The following PIEZO2 variants were observed in gnomAD, a reference collection of about 807,000 sequenced individuals.
The protein encoded by PIEZO2 is piezo-type mechanosensitive ion channel component 2.
PIEZO2 carries 172 observed loss-of-function variants against 337.3 expected under a neutral mutation model. The observed-to-expected ratio is 0.51, with a 90% CI of 0.45 to 0.58. The LOEUF (loss-of-function observed/expected upper bound fraction) is 0.58. Among genes scored for constraint, PIEZO2 ranks in the 20% least tolerant of loss-of-function variants. The probability of loss-of-function intolerance (pLI) is 0.00; values close to 1 mark genes in which losing one functional copy is unlikely to be tolerated. For synonymous variants in PIEZO2, 1,251 were observed against 1,228.5 expected (o/e 1.02, Z -0.38); for missense variants, 3,028 against 3,391.3 (o/e 0.89, Z 2.66).
intron 36 of PIEZO2, among the ~76,000 whole-genome samples, chr18:10,723,181 T>G (rs1339308396): frequency 1.3e-5 from 2 of 151,930 alleles, no homozygotes; most frequent in African/African-American, 2.4e-5. Context: ...TGGTCAGGCT[T>G]GTCTCAAACT....
At position 10,833,424 on chromosome 18, in the gene PIEZO2, C is replaced by T. The variant is rs2040911375; in HGVS notation, c.917+21929G>A. On this transcript the variant is annotated intron_variant, in intron 7 of 55. Transcript: ENST00000674853. This position sits in a 1 kb window ranked among gnomAD's most constrained non-coding sequence, Gnocchi z 4.7. ...TCTTCTAAAGCACTAACACTGGGCC[C>T]TGCCCCAGAACCCCTGGAATCTCCT... 2.0e-5 allele frequency among the ~76,000 whole-genome samples: 3 copies of T among 152,318 alleles called. No homozygotes were observed. In the South Asian group the frequency reaches 6.2e-4, roughly 32 times the overall value.
At chr18:10,725,585 G>C in intron 36 of PIEZO2, 1 of 1,355,754 alleles carries the variant, frequency 7.4e-7, no homozygotes, top group Non-Finnish European at 9.9e-7. Flanking sequence ...TGAGGTCGGG[G>C]CTTTCCCTTC....
At chr18:10,719,018 T>TA (rs1332777094) in intron 36 of PIEZO2, among the ~76,000 whole-genome samples, 1 of 151,176 alleles carries the variant, frequency 6.6e-6, no homozygotes, top group Admixed American at 6.6e-5. Context: ...AATAAATAAA[T>TA]AAATAAATTT....
chr18:10,794,693 A>G lies in PIEZO2; in HGVS notation c.1758+79T>C. ...TGAATATTTGGAACCTGTTTTTATA[A>G]GGTTTCTCTTGGATACGATTATGAT... On this transcript the variant is annotated intron_variant, in intron 13 of 55. Transcript: ENST00000674853. The surrounding 1 kb of genome is among the most constrained non-coding windows in gnomAD (Gnocchi z 6.6). 1 of 1,115,338 alleles carries G rather than the reference A, an allele frequency of 9.0e-7. No homozygotes were observed. The highest frequency in any genetic ancestry group is 1.2e-6 in the Non-Finnish European group (1 of 805,652). 69.1% of individuals were successfully genotyped at this position (1,115,338 alleles called of 1,614,324 possible).
chr18:11,066,118 T>A lies in PIEZO2; in HGVS notation c.160+9A>T. The stretch of plus-strand genomic sequence containing the variant: ...AACTCTGTGGTATACGATAACAAAA[T>A]TCTCTTACCTTGCATCGTCGTTTTT... On this transcript the variant is annotated intron_variant, in intron 2 of 55. Coordinates refer to ENST00000674853, the MANE Select transcript of PIEZO2 (RefSeq NM_001378183.1). The A allele has an allele frequency of 1.3e-6, 2 of 1,522,718 alleles. No homozygotes were observed. Among genetic ancestry groups the A allele is most frequent in the Non-Finnish European group, 1.8e-6 (2 of 1,133,700 alleles). The allele number at this position is 1,522,718 out of a possible 1,614,324, so 94.3% of individuals were successfully genotyped here.
intron 3 of PIEZO2, among the ~76,000 whole-genome samples, chr18:10,967,737 C>T (rs1177790610): frequency 6.6e-6 from 1 of 152,052 alleles, no homozygotes. Flanking sequence ...ATTTGTATAT[C>T]TTCTTTTGAG....
Position 10,750,859 on chromosome 18 carries a change from G to A in PIEZO2, c.4168-672C>T, listed in dbSNP as rs899333966. On this transcript the variant is annotated intron_variant, in intron 28 of 55. Transcript: ENST00000674853. The surrounding 1 kb of genome is among the most constrained non-coding windows in gnomAD (Gnocchi z 4.1). ...ATGTGAGGAAGGAGAATATCATCAG[G>A]ATTTGCTCCAACAGCAGCAGTTACT... Among the ~76,000 whole-genome samples, 3 of 152,160 alleles carry A rather than the reference G, an allele frequency of 2.0e-5. No individual in the cohort carries two copies. Among genetic ancestry groups the A allele is most frequent in the African/African-American group, 7.2e-5 (3 of 41,444 alleles).
chr18:10,937,649 G>T (rs1396543464), intron 3 of PIEZO2, among the ~76,000 whole-genome samples: 1 of 152,084 alleles, frequency 6.6e-6, no homozygotes, highest in Non-Finnish European at 1.5e-5. Context: ...CACAAAATTG[G>T]ATTTTTTCTT....
At chr18:11,147,672 A>G (rs1306132227) in intron 1 of PIEZO2, among the ~76,000 whole-genome samples, 7 of 152,194 alleles carry the variant, frequency 4.6e-5, no homozygotes, top group Non-Finnish European at 1.0e-4. Flanking sequence ...TTACGAGAGG[A>G]ATTCAATGTC....
intron 1 of PIEZO2, among the ~76,000 whole-genome samples, chr18:11,137,630 A>G (rs1238319681): frequency 7.9e-5 from 12 of 152,324 alleles, no homozygotes; most frequent in Non-Finnish European, 1.0e-4. Flanking sequence ...TACCTGCAGC[A>G]ATGCCAAAGG....
At chr18:10,753,313 A>T (rs1483544505) in intron 27 of PIEZO2, among the ~76,000 whole-genome samples, 1 of 152,024 alleles carries the variant, frequency 6.6e-6, no homozygotes, top group Non-Finnish European at 1.5e-5. Context: ...TTAGAGGTGG[A>T]AATCTTTCCC....
intron 36 of PIEZO2, chr18:10,725,156 G>T: frequency 6.8e-7 from 1 of 1,478,364 alleles, no homozygotes; most frequent in South Asian, 1.1e-5. Context: ...CTGAAGTACT[G>T]CGAGGCCTCT....
In PIEZO2 at chr18:10,962,208, A is replaced by G. The variant is rs1364816677; in HGVS notation, c.286+17327T>C. On this transcript the variant is annotated intron_variant, in intron 3 of 55. Coordinates refer to ENST00000674853, the MANE Select transcript of PIEZO2 (RefSeq NM_001378183.1). The surrounding 1 kb of genome is among the most constrained non-coding windows in gnomAD (Gnocchi z 4.1). ...TCTGTTCAATGAAAGAGTCTTAAAA[A>G]TAATGCAAAACGATGGTGATCCCAG... is the stretch of plus-strand genomic sequence containing the variant. Among the ~76,000 whole-genome samples the G allele has an allele frequency of 2.6e-5, 4 of 152,218 alleles. No individual in the cohort carries two copies. The highest frequency in any genetic ancestry group is 7.2e-5 in the African/African-American group (3 of 41,446).
At chr18:11,134,116 T>C (rs2040414849) in intron 1 of PIEZO2, among the ~76,000 whole-genome samples, 1 of 152,122 alleles carries the variant, frequency 6.6e-6, no homozygotes, top group Admixed American at 6.5e-5. Flanking sequence ...GATCAGCACA[T>C]AGAGAAGGGA....
chr18:10,761,701 CAT>C (rs1491407259), intron 23 of PIEZO2, among the ~76,000 whole-genome samples: 1 of 152,194 alleles, frequency 6.6e-6, no homozygotes, highest in Non-Finnish European at 1.5e-5. Flanking sequence ...GCTTTATCCT[CAT>C]AACAGCTATT....
chr18:10,845,667 C>T (rs2041336053), intron 7 of PIEZO2, among the ~76,000 whole-genome samples: 1 of 152,054 alleles, frequency 6.6e-6, no homozygotes, highest in Non-Finnish European at 1.5e-5. Context: ...AGACCAGGAC[C>T]CCCACATTAA....
chr18:10,791,508 G>A (rs578235556), intron 13 of PIEZO2, 184 bp from the exon 14 acceptor site: 2 of 542,696 alleles, frequency 3.7e-6, no homozygotes, highest in South Asian at 2.8e-5. Flanking sequence ...TCCCTTTTCC[G>A]AGGATGCTCC....
intron 5 of PIEZO2, among the ~76,000 whole-genome samples, chr18:10,858,327 A>ACCCC (rs1316639687): frequency 1.7e-4 from 22 of 130,728 alleles, no homozygotes; most frequent in African/African-American, 6.8e-4. Context: ...AACCCAAAAA[A>ACCCC]AAAAAAAAAA....
In PIEZO2 at chr18:10,828,144, T is replaced by G. The variant is rs984024119; in HGVS notation, c.918-20870A>C. Among the ~76,000 whole-genome samples the G allele has an allele frequency of 3.6e-4, 38 of 105,492 alleles. No individual in the cohort carries two copies. The highest frequency in any genetic ancestry group is 1.5e-3 in the African/African-American group (31 of 21,228). 69.2% of individuals were successfully genotyped at this position (105,492 alleles called of 152,430 possible). On this transcript the variant is annotated intron_variant, in intron 7 of 55. Transcript: ENST00000674853. This position sits in a 1 kb window ranked among gnomAD's most constrained non-coding sequence, Gnocchi z 4.1. ...TTTTTTTGTTTGTTTGTTTTTGTTT[T>G]TTTTTTTTTTTACAGTAAAACCAAT...
Sources: allele counts gnomAD v4.1 joint callset (sites outside exome capture counted in the v4.1 genomes callset), GRCh38; gene constraint gnomAD v4.1.1; non-coding constraint Gnocchi (gnomAD v3.1); transcripts MANE v1.5; gene names NCBI Gene and HGNC (gene_info 2026-07-23, HGNC 2026-07-21).